Variants in CTNNA3 observed in about 807,000 individuals in gnomAD.
The protein encoded by CTNNA3 is catenin alpha 3, also known as catenin alpha-3.
Under a neutral mutation model 95.7 loss-of-function variants are expected in CTNNA3, and 76 were observed. That is an observed-to-expected ratio of 0.79 (90% confidence interval 0.66 to 0.96). The LOEUF (loss-of-function observed/expected upper bound fraction) is 0.96. Among genes scored for constraint, CTNNA3 ranks in the 40% least tolerant of loss-of-function variants. The probability of loss-of-function intolerance (pLI) is 0.00; values close to 1 mark genes in which losing one functional copy is unlikely to be tolerated. For missense variants in CTNNA3, 1,191 were observed against 1,089.8 expected (o/e 1.09, Z -1.31); for synonymous variants, 431 against 374.4 (o/e 1.15, Z -1.74).
At chr10:66,331,447 G>T (rs572969966) in intron 12 of CTNNA3, among the ~76,000 whole-genome samples, 1 of 143,422 alleles carries the variant, frequency 7.0e-6, no homozygotes, top group Non-Finnish European at 1.5e-5. Flanking sequence ...TCCGCCTCCC[G>T]GGTTCACGCC....
chr10:66,334,605 G>C (rs1371002609), intron 12 of CTNNA3, among the ~76,000 whole-genome samples: 1 of 152,098 alleles, frequency 6.6e-6, no homozygotes, highest in Non-Finnish European at 1.5e-5. Flanking sequence ...GAGGTCAGCT[G>C]TAAGTCTGAT....
chr10:66,748,706 C>A (rs2132719993), intron 9 of CTNNA3, among the ~76,000 whole-genome samples: 1 of 152,134 alleles, frequency 6.6e-6, no homozygotes, highest in Admixed American at 6.5e-5. Flanking sequence ...ATTTTTAGAG[C>A]AATTTTAGGT....
intron 7 of CTNNA3, among the ~76,000 whole-genome samples, chr10:66,898,892 A>G (rs1845608908): frequency 6.6e-6 from 1 of 152,224 alleles, no homozygotes; most frequent in South Asian, 2.1e-4. Flanking sequence ...AAGCTTCTGC[A>G]CTGCAAAGAA....
intron 11 of CTNNA3, among the ~76,000 whole-genome samples, chr10:66,501,079 A>G (rs1032125471): frequency 5.9e-5 from 9 of 152,312 alleles, no homozygotes; most frequent in Non-Finnish European, 1.3e-4. Context: ...AATTATTTAT[A>G]AATGAATGTA....
intron 7 of CTNNA3, among the ~76,000 whole-genome samples, chr10:66,973,061 A>G (rs867365950): frequency 6.6e-6 from 1 of 152,224 alleles, no homozygotes; most frequent in Admixed American, 6.5e-5. Context: ...AATACACTTG[A>G]GGAGGGTTAA....
chr10:66,332,959 G>A (rs754400925), intron 12 of CTNNA3, among the ~76,000 whole-genome samples: 1 of 151,876 alleles, frequency 6.6e-6, no homozygotes, highest in Admixed American at 6.6e-5. Flanking sequence ...GTCTTGGGAG[G>A]GTGTATGTGT....
intron 13 of CTNNA3, among the ~76,000 whole-genome samples, chr10:66,199,780 TATATATATATATATATA>T (rs2087217686): frequency 9.4e-5 from 1 of 10,614 alleles, no homozygotes; most frequent in Non-Finnish European, 2.2e-4. Flanking sequence ...TATATATATA[TATATATATATATATATA>T]TATATATATT....
chr10:66,749,044 T>C (rs1298557968), intron 9 of CTNNA3, among the ~76,000 whole-genome samples: 1 of 150,078 alleles, frequency 6.7e-6, no homozygotes, highest in Non-Finnish European at 1.5e-5. Flanking sequence ...CCAGCCATGT[T>C]GGCAGGTAGT....
At chr10:66,101,610 A>G (rs562756699) in intron 14 of CTNNA3, among the ~76,000 whole-genome samples, 31 of 152,328 alleles carry the variant, frequency 2.0e-4, no homozygotes, top group African/African-American at 7.5e-4. Context: ...CACTGTAAAA[A>G]CAAATATGTA....
chr10:66,674,026 T>C (rs962662195), intron 9 of CTNNA3, among the ~76,000 whole-genome samples: 2 of 152,024 alleles, frequency 1.3e-5, no homozygotes, highest in African/African-American at 2.4e-5. Context: ...GTTAATTTTT[T>C]TTTTGGTCTG....
intron 5 of CTNNA3, among the ~76,000 whole-genome samples, chr10:67,521,596 A>G (rs1343493114): frequency 6.6e-6 from 1 of 152,198 alleles, no homozygotes; most frequent in Non-Finnish European, 1.5e-5. Context: ...ACAAACCAGC[A>G]GGAATTTTCT....
intron 10 of CTNNA3, among the ~76,000 whole-genome samples, chr10:66,596,987 CAT>C (rs970738202): frequency 2.2e-4 from 33 of 150,748 alleles, no homozygotes; most frequent in African/African-American, 7.8e-4. Flanking sequence ...AAGATGGAAA[CAT>C]ATTAATAAAA....
At chr10:67,256,375 C>A (rs1469949226) in intron 5 of CTNNA3, among the ~76,000 whole-genome samples, 1 of 152,198 alleles carries the variant, frequency 6.6e-6, no homozygotes, top group Admixed American at 6.5e-5. Flanking sequence ...ACTGCCTTAC[C>A]GAATGCCTTC....
At position 67,093,679 on chromosome 10, in the gene CTNNA3, C is replaced by A. The variant is rs576425505; in HGVS notation, c.1047+86638G>T. On this transcript the variant is annotated intron_variant, in intron 7 of 17. Transcript: ENST00000433211. Reference sequence around the variant, plus strand: ...CAACAAAACTGAAACTCCCCCCCAACAAAAGATTGCTGAATTCACAGTCGT... The same window carrying A: ...CAACAAAACTGAAACTCCCCCCCAAAAAAAGATTGCTGAATTCACAGTCGT... Among the ~76,000 whole-genome samples the A allele has an allele frequency of 2.0e-5, 3 of 151,954 alleles. No homozygotes were observed. The East Asian group carries it at 5.8e-4, about 30-fold the overall frequency.
chr10:67,239,963 A>AT (rs1394978692), intron 5 of CTNNA3, among the ~76,000 whole-genome samples: 2 of 152,204 alleles, frequency 1.3e-5, no homozygotes, highest in Non-Finnish European at 2.9e-5. Flanking sequence ...ACAGCAACTG[A>AT]TTCCATGAAC....
rs60100116 is a variant in CTNNA3, at chr10:66,836,088, A to G, written c.1048-60564T>C. 1.7e-3 allele frequency among the ~76,000 whole-genome samples: 258 copies of G among 152,332 alleles called. 6 individuals are homozygous for G. The East Asian group carries it at 0.041, about 24-fold the overall frequency. On this transcript the variant is annotated intron_variant, in intron 7 of 17. Transcript: ENST00000433211. ...TCCAGGAAGAAAACAAAAAGTAGTC[A>G]ATGATTTGTAGCATTTGCCAATTCT...
At chr10:66,549,305 C>T (rs1042752167) in intron 10 of CTNNA3, among the ~76,000 whole-genome samples, 5 of 152,082 alleles carry the variant, frequency 3.3e-5, no homozygotes, top group Admixed American at 1.3e-4. Context: ...CGCCTTTCTT[C>T]TTTGAATGTC....
intron 13 of CTNNA3, among the ~76,000 whole-genome samples, chr10:66,222,550 TAAAG>T (rs1231930862): frequency 6.0e-5 from 7 of 115,864 alleles, no homozygotes; most frequent in South Asian, 2.8e-4. Flanking sequence ...AAGAAGAAAA[TAAAG>T]AAAGAGAGAA....
Position 65,999,216 on chromosome 10 carries a change from TAGAG to T in CTNNA3, c.2160-10423_2160-10420del, listed in dbSNP as rs930976365. ...GCATTTCATTATTTCAATGCATCTC[TAGAG>T]AAAGTTCAACTTAAATAAAGCTGTC... On this transcript the variant is annotated intron_variant, in intron 15 of 17. Transcript: ENST00000433211. Among the ~76,000 whole-genome samples the T allele has an allele frequency of 8.7e-4, 133 of 152,302 alleles. 4 individuals carry two copies. The highest frequency in any genetic ancestry group is 3.7e-4 in the Non-Finnish European group (25 of 67,988).
Sources: gnomAD v4.1 joint callset for allele counts (sites outside exome capture counted in the v4.1 genomes callset) on GRCh38, gnomAD v4.1.1 for gene constraint, MANE v1.5 for transcripts, NCBI Gene and HGNC (gene_info 2026-07-23, HGNC 2026-07-21) for gene names.